Variants in DLGAP1 observed in about 807,000 individuals in gnomAD.
DLGAP1 encodes disks large-associated protein 1.
Under a neutral mutation model 90.8 loss-of-function variants are expected in DLGAP1, and 11 were observed. The ratio of observed to expected loss-of-function variants is 0.12; its 90% CI spans 0.08 to 0.20. The LOEUF is 0.20. Among genes scored for constraint, DLGAP1 ranks in the 10% least tolerant of loss-of-function variants. The probability of loss-of-function intolerance (pLI) is 1.00; values close to 1 mark genes in which losing one functional copy is unlikely to be tolerated. For missense variants in DLGAP1, 1,050 were observed against 1,333.8 expected (o/e 0.79, Z 3.31); for synonymous variants, 558 against 540.7 (o/e 1.03, Z -0.44).
intron 1 of DLGAP1, among the ~76,000 whole-genome samples, chr18:4,180,130 C>T (rs1188821995): frequency 6.6e-6 from 1 of 152,114 alleles, no homozygotes; most frequent in Non-Finnish European, 1.5e-5. Context: ...TTTCTTTGAA[C>T]ACAACTTACA....
intron 4 of DLGAP1, among the ~76,000 whole-genome samples, chr18:3,870,605 CATCTATCTATCTATCT>C (rs67573915): frequency 6.9e-4 from 102 of 148,228 alleles, no homozygotes; most frequent in South Asian, 1.5e-3. Context: ...TACATAAATA[CATCTATCTATCTATCT>C]ATCTATCTAT....
chr18:3,656,178 T>C (rs1033598521), intron 7 of DLGAP1: 2 of 1,400,010 alleles, frequency 1.4e-6, no homozygotes, highest in Non-Finnish European at 2.0e-6. Flanking sequence ...AGGCTTCTCA[T>C]AACACACGCA....
intron 7 of DLGAP1, among the ~76,000 whole-genome samples, chr18:3,661,229 T>C (rs1027731361): frequency 6.6e-6 from 1 of 152,302 alleles, no homozygotes; most frequent in South Asian, 2.1e-4. Context: ...TTAACATGAC[T>C]GCAAAACCCT....
chr18:4,341,599 G>T (rs2081189608), intron 1 of DLGAP1, among the ~76,000 whole-genome samples: 1 of 151,920 alleles, frequency 6.6e-6, no homozygotes. Context: ...AGACATTTGG[G>T]GTTTCTTTTA....
intron 2 of DLGAP1, among the ~76,000 whole-genome samples, chr18:4,078,104 G>T (rs1286184601): frequency 6.6e-6 from 1 of 152,152 alleles, no homozygotes; most frequent in African/African-American, 2.4e-5. Flanking sequence ...GGGTAAAGGG[G>T]ACCTCTTCTC....
chr18:4,004,639 T>A (rs1252390288), intron 3 of DLGAP1, among the ~76,000 whole-genome samples: 8 of 152,210 alleles, frequency 5.3e-5, no homozygotes, highest in Non-Finnish European at 1.2e-4. Flanking sequence ...TTCTATTAAT[T>A]TCAACTGCAC....
At chr18:4,371,168 T>G (rs1202911045) in intron 1 of DLGAP1, among the ~76,000 whole-genome samples, 1 of 152,222 alleles carries the variant, frequency 6.6e-6, no homozygotes, top group Non-Finnish European at 1.5e-5. Flanking sequence ...GATATAAGTG[T>G]ACATAAGACT....
At chr18:4,186,980 G>A (rs1007383122) in intron 1 of DLGAP1, among the ~76,000 whole-genome samples, 2 of 151,896 alleles carry the variant, frequency 1.3e-5, no homozygotes, top group Non-Finnish European at 2.9e-5. Flanking sequence ...CTCACACCTC[G>A]CTGATTAGCT....
chr18:4,195,550 A>T (rs2077481375), intron 1 of DLGAP1, among the ~76,000 whole-genome samples: 1 of 151,974 alleles, frequency 6.6e-6, no homozygotes, highest in African/African-American at 2.4e-5. Flanking sequence ...ACTACTTTTT[A>T]TCTATTTATT....
In DLGAP1 at chr18:4,417,848, AGT is replaced by A. The variant is rs565921348; in HGVS notation, c.-267+37156_-267+37157del. ...TCGAGGGATACACTGTCTGTCTAAT[AGT>A]GTGGTGAAATGAGAACAACAGAGAA... On this transcript the variant is annotated intron_variant, in intron 1 of 12. Transcript: ENST00000315677. Among the ~76,000 whole-genome samples, 53 of 152,298 alleles carry A rather than the reference AGT, an allele frequency of 3.5e-4. 1 individual carries two copies. The highest frequency in any genetic ancestry group is 9.9e-4 in the African/African-American group (41 of 41,568).
intron 1 of DLGAP1, among the ~76,000 whole-genome samples, chr18:4,419,097 T>C (rs146354658): frequency 1.3e-5 from 2 of 152,282 alleles, no homozygotes; most frequent in African/African-American, 4.8e-5. Flanking sequence ...TTTTGAAGTG[T>C]TTTTCAAAAA....
chr18:4,027,046 C>T (rs1244104057), intron 2 of DLGAP1, among the ~76,000 whole-genome samples: 1 of 152,056 alleles, frequency 6.6e-6, no homozygotes, highest in Admixed American at 6.6e-5. Flanking sequence ...AGCCACAGTG[C>T]TGTTCTTGAG....
chr18:4,287,898 A>G lies in DLGAP1; in HGVS notation c.-266-136611T>C, dbSNP rs188938911. Among the ~76,000 whole-genome samples, 550 of 151,788 alleles carry G rather than the reference A, an allele frequency of 3.6e-3. 2 individuals are homozygous for G. Among genetic ancestry groups the G allele is most frequent in the Middle Eastern group, 0.017 (5 of 294 alleles). ...AAAATAATAAATAATTTTAAAAAGA[A>G]AAAAAAAGAGCGGGTACCCTGCTAA... is the stretch of plus-strand genomic sequence containing the variant. On this transcript the variant is annotated intron_variant, in intron 1 of 12. Coordinates refer to ENST00000315677, the MANE Select transcript of DLGAP1 (RefSeq NM_004746.4).
At chr18:3,751,523 C>T (rs1029539133) in intron 5 of DLGAP1, among the ~76,000 whole-genome samples, 20 of 151,112 alleles carry the variant, frequency 1.3e-4, no homozygotes, top group Non-Finnish European at 2.5e-4. Flanking sequence ...GTCTTGAACT[C>T]CTGGTCCCAA....
At chr18:3,507,779 C>T (rs2050323084) in intron 11 of DLGAP1, among the ~76,000 whole-genome samples, 3 of 108,222 alleles carry the variant, frequency 2.8e-5, no homozygotes, top group African/African-American at 3.5e-5. Flanking sequence ...CTCACTCTGT[C>T]CCCCAAACTA....
chr18:4,270,695 G>C lies in DLGAP1; in HGVS notation c.-266-119408C>G, dbSNP rs531863595. 7.9e-5 allele frequency among the ~76,000 whole-genome samples: 12 copies of C among 152,198 alleles called. No homozygotes were observed. The South Asian group carries it at 2.5e-3, about 32-fold the overall frequency. ...ATATACCTTCCAAAGCCTCTGACAA[G>C]CATTCTATGGCTATTACTAGTAGGT... is the stretch of plus-strand genomic sequence containing the variant. On this transcript the variant is annotated intron_variant, in intron 1 of 12. Transcript: ENST00000315677.
chr18:4,431,262 T>C (rs1438809513), intron 1 of DLGAP1: 1 of 152,274 alleles, frequency 6.6e-6, no homozygotes, highest in African/African-American at 2.4e-5. Flanking sequence ...TACTGTGGTG[T>C]CATTTAATAC....
At chr18:3,553,745 G>GC (rs59099124) in intron 9 of DLGAP1, among the ~76,000 whole-genome samples, 118,396 of 151,910 alleles carry the variant, frequency 0.78, 47,373 homozygotes, top group Middle Eastern at 0.88. Flanking sequence ...TGTTGGCCAG[G>GC]TGGTCTCAAA....
intron 3 of DLGAP1, among the ~76,000 whole-genome samples, chr18:3,883,482 A>G (rs2071233374): frequency 6.6e-6 from 1 of 152,222 alleles, no homozygotes; most frequent in African/African-American, 2.4e-5. Context: ...TTTAATCAGT[A>G]CAGTCACTCA....
Sources: allele counts gnomAD v4.1 joint callset (sites outside exome capture counted in the v4.1 genomes callset), GRCh38; gene constraint gnomAD v4.1.1; transcripts MANE v1.5; gene names NCBI Gene and HGNC (gene_info 2026-07-23, HGNC 2026-07-21).